CDK13: variants seen among roughly 807,000 people sequenced by gnomAD.
The protein encoded by CDK13 is cyclin dependent kinase 13, also known as cyclin-dependent kinase 13.
Under a neutral mutation model 137.6 loss-of-function variants are expected in CDK13, and 40 were observed. That is an observed-to-expected ratio of 0.29 (90% CI 0.23 to 0.38). The LOEUF is 0.38. Among genes scored for constraint, CDK13 ranks in the 10% least tolerant of loss-of-function variants. The pLI, the probability that CDK13 is intolerant of heterozygous loss-of-function variation, is 1.00. For synonymous variants in CDK13, 869 were observed against 760.1 expected (o/e 1.14, Z -2.36); for missense variants, 1,704 against 1,951.8 (o/e 0.87, Z 2.39).
chr7:39,966,622 C>A (rs1184723791), intron 1 of CDK13, among the ~76,000 whole-genome samples: 1 of 152,190 alleles, frequency 6.6e-6, no homozygotes, highest in African/African-American at 2.4e-5. Flanking sequence ...TCGTCGAAGT[C>A]ATTCTCTGTC....
chr7:40,091,317 C>T (rs1202287727), intron 12 of CDK13, among the ~76,000 whole-genome samples: 1 of 151,734 alleles, frequency 6.6e-6, no homozygotes, highest in East Asian at 1.9e-4. Flanking sequence ...CACTGCATTC[C>T]AGCCTGGGCC....
At chr7:40,041,849 A>T (rs987345961) in intron 5 of CDK13, among the ~76,000 whole-genome samples, 1 of 152,152 alleles carries the variant, frequency 6.6e-6, no homozygotes, top group Admixed American at 6.6e-5. Context: ...TTTGTTTTTA[A>T]GTGTTTTATT....
intron 5 of CDK13, among the ~76,000 whole-genome samples, chr7:40,040,700 T>A (rs1211278474): frequency 1.3e-5 from 2 of 152,204 alleles, no homozygotes; most frequent in Non-Finnish European, 2.9e-5. Context: ...ATTTCTTATG[T>A]GAGCTTTTTA....
intron 5 of CDK13, among the ~76,000 whole-genome samples, chr7:40,033,991 G>C (rs1389585798): frequency 6.6e-6 from 1 of 152,170 alleles, no homozygotes; most frequent in Non-Finnish European, 1.5e-5. Flanking sequence ...GTTAGTCTCT[G>C]ATAATTAATT....
intron 5 of CDK13, among the ~76,000 whole-genome samples, chr7:40,035,764 A>G (rs1017915957): frequency 3.4e-4 from 51 of 151,422 alleles, no homozygotes; most frequent in African/African-American, 1.2e-3. Flanking sequence ...TCCCAAAACC[A>G]TCCCTCCACC....
intron 1 of CDK13, among the ~76,000 whole-genome samples, chr7:39,973,120 T>A (rs1005978803): frequency 1.3e-5 from 2 of 152,156 alleles, no homozygotes; most frequent in African/African-American, 4.8e-5. Flanking sequence ...TCTACATGAA[T>A]CTCTTGTCCA....
At chr7:39,958,284 A>G (rs1181236340) in intron 1 of CDK13, among the ~76,000 whole-genome samples, 2 of 152,160 alleles carry the variant, frequency 1.3e-5, no homozygotes, top group Non-Finnish European at 2.9e-5. Flanking sequence ...TTTTATTGGC[A>G]TTCCAAACTC....
chr7:39,979,823 T>C (rs1784186956), intron 1 of CDK13, among the ~76,000 whole-genome samples: 1 of 151,984 alleles, frequency 6.6e-6, no homozygotes, highest in African/African-American at 2.4e-5. Flanking sequence ...GGCTGTAGGG[T>C]CTAGTCAGAG....
rs141422655 is a variant in CDK13 at position 40,025,349 on chromosome 7, T to C, written c.2354-20487T>C. On this transcript the variant is annotated intron_variant, in intron 5 of 13. Transcript: ENST00000181839. ...ACTTGTAATCAATAAACTTCTGTTG[T>C]TTTGTTGAATAGTCTCACAAAGAAA... Among the ~76,000 whole-genome samples, 704 of 152,334 alleles carry C rather than the reference T, an allele frequency of 4.6e-3. 5 individuals are homozygous for C. Among genetic ancestry groups the C allele is most frequent in the African/African-American group, 0.015 (634 of 41,586 alleles).
intron 5 of CDK13, among the ~76,000 whole-genome samples, chr7:40,036,882 T>C (rs1416749390): frequency 1.3e-5 from 2 of 152,200 alleles, no homozygotes; most frequent in East Asian, 1.9e-4. Context: ...TCTAATGATA[T>C]ACATTCACGT....
chr7:40,051,668 C>T (rs576839361), intron 7 of CDK13, among the ~76,000 whole-genome samples: 64 of 152,302 alleles, frequency 4.2e-4, no homozygotes, highest in African/African-American at 1.4e-3. Flanking sequence ...ACTGTAATAG[C>T]ATCAACCACA....
intron 7 of CDK13, among the ~76,000 whole-genome samples, chr7:40,053,364 G>T (rs1172646534): frequency 6.6e-6 from 1 of 152,090 alleles, no homozygotes; most frequent in East Asian, 1.9e-4. Flanking sequence ...TTAGTTAAAG[G>T]TTTCCAGTCA....
chr7:40,015,877 T>A (rs1354334145), intron 5 of CDK13, among the ~76,000 whole-genome samples: 2 of 152,114 alleles, frequency 1.3e-5, no homozygotes, highest in Admixed American at 1.3e-4. Flanking sequence ...TTGGTTGCGA[T>A]CAAACCCAAA....
At chr7:40,029,083 G>A (rs1404885429) in intron 5 of CDK13, among the ~76,000 whole-genome samples, 1 of 150,720 alleles carries the variant, frequency 6.6e-6, no homozygotes, top group Non-Finnish European at 1.5e-5. Context: ...TTGGAGATTT[G>A]CAACAATTTG....
At chr7:40,035,269 T>C (rs1391501073) in intron 5 of CDK13, among the ~76,000 whole-genome samples, 5 of 152,220 alleles carry the variant, frequency 3.3e-5, no homozygotes. Context: ...CATGACCTAC[T>C]CAATTGATTG....
intron 1 of CDK13, among the ~76,000 whole-genome samples, chr7:39,974,911 C>T (rs1194226182): frequency 1.3e-5 from 2 of 152,140 alleles, no homozygotes; most frequent in Non-Finnish European, 2.9e-5. Context: ...TGGCTAGAAC[C>T]TCAAATACAA....
At chr7:40,086,309 G>A (rs1220442367) in intron 11 of CDK13, among the ~76,000 whole-genome samples, 1 of 152,086 alleles carries the variant, frequency 6.6e-6, no homozygotes, top group Admixed American at 6.6e-5. Flanking sequence ...AAAATTCCAG[G>A]TGTACCCTCT....
At chr7:39,955,534 G>C (rs1343939027) in intron 1 of CDK13, among the ~76,000 whole-genome samples, 1 of 151,966 alleles carries the variant, frequency 6.6e-6, no homozygotes, top group Non-Finnish European at 1.5e-5. Context: ...CAGGGGCGCT[G>C]GCCACCTCAC....
At chr7:40,064,284 C>CAAAA (rs1388646828) in intron 9 of CDK13, among the ~76,000 whole-genome samples, 2 of 59,760 alleles carry the variant, frequency 3.3e-5, no homozygotes, top group African/African-American at 8.5e-5. Context: ...AATTATGTCT[C>CAAAA]AAAAAAAAAA....
Sources: gnomAD v4.1 joint callset for allele counts (sites outside exome capture counted in the v4.1 genomes callset) on GRCh38, gnomAD v4.1.1 for gene constraint, MANE v1.5 for transcripts, NCBI Gene and HGNC (gene_info 2026-07-23, HGNC 2026-07-21) for gene names.